Variants in HOXD11 observed in about 807,000 individuals in gnomAD.
The protein encoded by HOXD11 is homeobox protein Hox-D11.
Under a neutral mutation model 23.1 loss-of-function variants are expected in HOXD11, and 16 were observed. That is an observed-to-expected ratio of 0.69 (90% CI 0.47 to 1.05). The LOEUF (loss-of-function observed/expected upper bound fraction) is 1.05, where lower values mean the gene tolerates loss of function less well. HOXD11 is among the 50% of genes least tolerant of loss of function. The pLI is 0.00. For synonymous variants in HOXD11, 262 were observed against 224.4 expected, an observed-to-expected ratio of 1.17 and a Z score of -1.50; for missense variants, 564 against 495.6, an observed-to-expected ratio of 1.14 and a Z score of -1.31.
At chr2:176,108,470 A>G (rs1689620928) in intron 1 of HOXD11, among the ~76,000 whole-genome samples, 1 of 148,874 alleles carries the variant, frequency 6.7e-6, no homozygotes, top group Non-Finnish European at 1.5e-5. Flanking sequence ...CCTGCTTTTA[A>G]GGGAGAGAGG....
chr2:176,108,742 C>A, intron 1 of HOXD11, 165 bp from the exon 2 acceptor site: 1 of 604,566 alleles, frequency 1.7e-6, no homozygotes, highest in East Asian at 2.8e-5. Context: ...CTCCTGTGCC[C>A]GCCCATATAT....
intron 1 of HOXD11, 87 bp from the exon 2 acceptor site, chr2:176,108,820 G>A: frequency 1.1e-6 from 1 of 872,460 alleles, no homozygotes; most frequent in African/African-American, 1.7e-5. Context: ...GCCAGGGCCT[G>A]GCCCTCGCTC....
At chr2:176,114,616 A>G (rs1689722518), downstream of HOXD11, among the ~76,000 whole-genome samples, 1 of 151,892 alleles carries the variant, frequency 6.6e-6, no homozygotes. Context: ...ATAATGTTCA[A>G]CGCTTGTTTC....
Position 176,107,723 on chromosome 2 carries a change from C to T in HOXD11, c.368C>T (p.Ala123Val), listed in dbSNP as rs1461215406. The change falls in exon 1 of 2, where the codon GCG becomes GTG. Residue 123 changes from alanine to valine, a missense_variant. Physicochemically the swap from Ala to Val is moderately conservative, Grantham distance 64. Coordinates refer to ENST00000249504, the MANE Select transcript of HOXD11 (RefSeq NM_021192.3). ...GCGGCGGCCGCGGCGGCCGAGGAGG[C>T]GGCCATGCAACGCGAGCTTCTCCCG... ...AAAAAAAAEEAAMQRELLPPA... is the reference protein window; with the variant it reads ...AAAAAAAAEEVAMQRELLPPA... 9 of 1,147,170 alleles carry T rather than the reference C, an allele frequency of 7.8e-6. No homozygotes were observed. Among genetic ancestry groups the T allele is most frequent in the Non-Finnish European group, 9.6e-6 (9 of 937,056 alleles). The allele number at this position is 1,147,170 out of a possible 1,614,324, so 71.1% of individuals were successfully genotyped here.
chr2:176,114,900 A>G, the HOXD11 span, among the ~76,000 whole-genome samples: 1 of 152,254 alleles, frequency 6.6e-6, no homozygotes. Flanking sequence ...GTTCATGGTC[A>G]GAGTTTCTGG....
Position 176,107,377 on chromosome 2 carries a change from G to A in HOXD11, c.22G>A (p.Gly8Ser). Residue 8 changes from glycine to serine, a missense_variant, in exon 1 of 2, where the codon GGC (glycine) becomes AGC (serine). Coordinates refer to ENST00000249504, the MANE Select transcript of HOXD11 (RefSeq NM_021192.3). Reference protein sequence around the residue: MNDFDECGQSAASMYLPG... With the variant: MNDFDECSQSAASMYLPG... ...AGTCATGAACGACTTTGACGAGTGCGGCCAGAGCGCAGCCAGCATGTACCT... is the reference window on the plus strand; with the variant it reads ...AGTCATGAACGACTTTGACGAGTGCAGCCAGAGCGCAGCCAGCATGTACCT... 6.2e-7 allele frequency: 1 copy of A among 1,610,238 alleles called. No homozygotes were observed. Among genetic ancestry groups the A allele is most frequent in the Non-Finnish European group, 8.5e-7 (1 of 1,178,560 alleles).
Position 176,109,467 on chromosome 2 carries a change from G to T in HOXD11, c.*325G>T, listed in dbSNP as rs751666195. ...GCGGGGTCTGTAGGAAGTTGGGCCGGGTTGGGGGTTGCTAGAAGGCGCTGG... is the reference window on the plus strand; with the variant it reads ...GCGGGGTCTGTAGGAAGTTGGGCCGTGTTGGGGGTTGCTAGAAGGCGCTGG... On this transcript the variant is annotated 3_prime_UTR_variant, in exon 2 of 2. Coordinates refer to ENST00000249504, the MANE Select transcript of HOXD11 (RefSeq NM_021192.3). 56 of 319,564 alleles carry T rather than the reference G, an allele frequency of 1.8e-4. No individual in the cohort carries two copies. Among genetic ancestry groups the T allele is most frequent in the Non-Finnish European group, 2.6e-4 (44 of 172,424 alleles). The allele number at this position is 319,564 out of a possible 1,614,324, so 19.8% of individuals were successfully genotyped here. A position where few individuals can be genotyped will look rare whatever the true frequency, so the allele number is the denominator to read the frequency against.
At chr2:176,112,291 G>A (rs139709974), downstream of HOXD11, among the ~76,000 whole-genome samples, 30 of 152,326 alleles carry the variant, frequency 2.0e-4, no homozygotes, top group Non-Finnish European at 3.5e-4. Context: ...CTCCAGCAAA[G>A]CCCCTGACCT....
chr2:176,112,998 G>A (rs1361736442), downstream of HOXD11, among the ~76,000 whole-genome samples: 1 of 152,232 alleles, frequency 6.6e-6, no homozygotes, highest in Admixed American at 6.5e-5. Flanking sequence ...GGAAATGCGC[G>A]AAGTAGGAGT....
intron 1 of HOXD11, 48 bp from the exon 2 acceptor site, chr2:176,108,859 G>T: frequency 7.2e-7 from 1 of 1,393,342 alleles, no homozygotes; most frequent in Non-Finnish European, 1.0e-6. Flanking sequence ...GCGGGTGGGG[G>T]CTGTCAGGCA....
At chr2:176,111,839 A>AG (rs1435212327), downstream of HOXD11, among the ~76,000 whole-genome samples, 1 of 148,052 alleles carries the variant, frequency 6.8e-6, no homozygotes, top group Non-Finnish European at 1.5e-5. Flanking sequence ...AAAAAAAAAA[A>AG]AAAAAAAAAA....
At chr2:176,108,163 T>G (rs984948923) in intron 1 of HOXD11, 27 bp downstream of exon 1, 9 of 149,542 alleles carry the variant, frequency 6.0e-5, no homozygotes, top group Non-Finnish European at 6.5e-5. Context: ...GGGCAAGCGG[T>G]GGGCCCGGGG....
Position 176,108,056 on chromosome 2 carries a change from C to T in HOXD11, c.701C>T (p.Pro234Leu), listed in dbSNP as rs1400736846. Residue 234 changes from proline (P) to leucine (L), a missense_variant, in exon 1 of 2, where the codon CCC becomes CTC. Pro to Leu is a moderately conservative substitution (Grantham distance 98). Transcript: ENST00000249504. ...PCTKATPGSE[P>L]KGAAEGSGGD... ...ACCAAGGCGACCCCTGGCTCGGAGC[C>T]CAAGGGGGCAGCAGAAGGCAGCGGT... 1 of 1,488,090 alleles carries T rather than the reference C, an allele frequency of 6.7e-7. No individual in the cohort carries two copies. Among genetic ancestry groups the T allele is most frequent in the South Asian group, 1.3e-5 (1 of 78,900 alleles). 92.2% of individuals were successfully genotyped at this position (1,488,090 alleles called of 1,614,324 possible). A position where few individuals can be genotyped will look rare whatever the true frequency, so the allele number is the denominator to read the frequency against.
At chr2:176,108,878 T>TCTCA in intron 1 of HOXD11, 29 bp from the exon 2 acceptor site, 1 of 1,541,078 alleles carries the variant, frequency 6.5e-7, no homozygotes, top group South Asian at 1.1e-5. Flanking sequence ...CAGCGGCCTC[T>TCTCA]CTCACCCCCT....
At chr2:176,115,021 G>T in the HOXD11 span, among the ~76,000 whole-genome samples, 1 of 152,278 alleles carries the variant, frequency 6.6e-6, no homozygotes, top group African/African-American at 2.4e-5. Flanking sequence ...CAAGGTTAAA[G>T]CTCCCCGCTG....
rs1396538073 is a variant in HOXD11, at chr2:176,108,946, C to G, written c.821C>G (p.Thr274Ser). 6.2e-7 allele frequency: 1 copy of G among 1,614,108 alleles called. No individual in the cohort carries two copies. Among genetic ancestry groups the G allele is most frequent in the South Asian group, 1.1e-5 (1 of 91,068 alleles). ...TCCCGGAAAAAGCGCTGTCCCTATA[C>G]CAAGTACCAGATCCGCGAACTGGAA... ...QRSRKKRCPYTKYQIRELERE... is the reference protein window; with the variant it reads ...QRSRKKRCPYSKYQIRELERE... The change falls in exon 2 of 2, where the codon ACC becomes AGC. Residue 274 changes from threonine (T) to serine (S), a missense_variant. By Grantham distance (58) the Thr-to-Ser change is moderately conservative. Transcript: ENST00000249504.
downstream of HOXD11, among the ~76,000 whole-genome samples, chr2:176,113,866 GA>G (rs1375733572): frequency 6.6e-6 from 1 of 152,190 alleles, no homozygotes; most frequent in East Asian, 1.9e-4. Flanking sequence ...CAAAGCCACT[GA>G]AAGCTGAAAT....
At chr2:176,110,876 G>C (rs1689663873), downstream of HOXD11, among the ~76,000 whole-genome samples, 1 of 152,178 alleles carries the variant, frequency 6.6e-6, no homozygotes, top group African/African-American at 2.4e-5. Flanking sequence ...TAAAAATACT[G>C]ATTAGATTAA....
Position 176,107,326 on chromosome 2 carries a change from G to A in HOXD11, c.-30G>A, listed in dbSNP as rs1283514382. The A allele has an allele frequency of 9.0e-6, 14 of 1,554,574 alleles. No homozygotes were observed. Among genetic ancestry groups the A allele is most frequent in the Non-Finnish European group, 1.1e-5 (13 of 1,152,374 alleles). On this transcript the variant is annotated 5_prime_UTR_variant, in exon 1 of 2. Coordinates refer to ENST00000249504, the MANE Select transcript of HOXD11 (RefSeq NM_021192.3). ...AGGTTGGCTGCGCGGGGAGCGGCCA[G>A]AGGCTCGCTGGCGCGCACGCCGCGG...
Sources: allele counts gnomAD v4.1 joint callset (sites outside exome capture counted in the v4.1 genomes callset), GRCh38; gene constraint gnomAD v4.1.1; transcripts MANE v1.5; gene names NCBI Gene and HGNC (gene_info 2026-07-23, HGNC 2026-07-21).